The following TNRC6C variants were observed in gnomAD, a reference collection of about 807,000 sequenced individuals.
TNRC6C encodes trinucleotide repeat containing adaptor 6C, also known as trinucleotide repeat-containing gene 6C protein.
TNRC6C carries 20 observed loss-of-function variants against 153.7 expected under a neutral mutation model. That is an observed-to-expected ratio of 0.13 (90% CI 0.09 to 0.19). TNRC6C has a LOEUF of 0.19. Ranked by LOEUF, TNRC6C falls within the 10% of genes least tolerant of loss-of-function variation. TNRC6C has a pLI of 1.00. For synonymous variants in TNRC6C, 811 were observed against 841.4 expected (o/e 0.96, Z 0.63); for missense variants, 1,987 against 2,172.0 (o/e 0.91, Z 1.69).
intron 1 of TNRC6C, among the ~76,000 whole-genome samples, chr17:78,029,046 T>A (rs1257124594): frequency 6.6e-6 from 1 of 152,246 alleles, no homozygotes; most frequent in Admixed American, 6.5e-5. Flanking sequence ...TTTTTTAAAA[T>A]TTAAATTACT....
chr17:78,002,364 G>A (rs2071425663), upstream of TNRC6C, among the ~76,000 whole-genome samples: 1 of 152,134 alleles, frequency 6.6e-6, no homozygotes, highest in South Asian at 2.1e-4. Flanking sequence ...GACAGAGGAA[G>A]CTCATAATCT....
At chr17:77,958,494 C>G (rs900833637), upstream of TNRC6C, among the ~76,000 whole-genome samples, 1 of 152,032 alleles carries the variant, frequency 6.6e-6, no homozygotes, top group African/African-American at 2.4e-5. Context: ...GAGGCGTGGC[C>G]TGGCCGAGGA....
chr17:78,086,555 T>C, exon 12 of TNRC6C: 2 of 1,613,982 alleles, frequency 1.2e-6, no homozygotes, highest in South Asian at 2.2e-5. Context: ...CAGCGTAATG[T>C]GTCCGGATCC....
intron 1 of TNRC6C, among the ~76,000 whole-genome samples, chr17:78,010,805 CAA>C (rs66652880): frequency 3.3e-5 from 5 of 150,886 alleles, no homozygotes; most frequent in East Asian, 1.9e-4. Flanking sequence ...TCCATGGAAA[CAA>C]AAAAAATATT....
Position 78,069,032 on chromosome 17 carries a change from A to G in TNRC6C, c.2778+1109A>G, listed in dbSNP as rs190907798. Among the ~76,000 whole-genome samples, 40 of 152,334 alleles carry G rather than the reference A, an allele frequency of 2.6e-4. 1 individual carries two copies. Among genetic ancestry groups the G allele is most frequent in the Admixed American group, 2.0e-3 (30 of 15,306 alleles). ...CTCAGAGAGGCCTAACTATGACCAAAATCTAAAAGCCATAAAATAAAATTT... is the reference window on the plus strand; with the variant it reads ...CTCAGAGAGGCCTAACTATGACCAAGATCTAAAAGCCATAAAATAAAATTT... On this transcript the variant is annotated intron_variant, in intron 5 of 19. Coordinates refer to ENST00000301624, the Ensembl canonical transcript of TNRC6C.
chr17:78,039,319 C>CCCT (rs1555634299), intron 2 of TNRC6C, among the ~76,000 whole-genome samples: 11 of 149,102 alleles, frequency 7.4e-5, no homozygotes, highest in African/African-American at 2.8e-4. Flanking sequence ...GCCCCCCCCC[C>CCCT]CCACTCCCTA....
chr17:78,038,937 C>T (rs966867320), intron 2 of TNRC6C, among the ~76,000 whole-genome samples: 7 of 151,852 alleles, frequency 4.6e-5, no homozygotes, highest in African/African-American at 1.5e-4. Flanking sequence ...GAAAAGGCGA[C>T]GCTGGTGTGC....
chr17:77,992,901 G>A (rs373788960), intron 1 of TNRC6C, among the ~76,000 whole-genome samples: 14 of 152,168 alleles, frequency 9.2e-5, no homozygotes, highest in Admixed American at 2.0e-4. Flanking sequence ...CTCTGAGTAC[G>A]TGTTAATCCA....
chr17:78,076,933 A>G (rs776490482), intron 8 of TNRC6C, among the ~76,000 whole-genome samples: 36 of 152,352 alleles, frequency 2.4e-4, no homozygotes, highest in Non-Finnish European at 3.4e-4. Flanking sequence ...GGCAGGGCCA[A>G]TAGTTAGGAG....
exon 3 of TNRC6C, chr17:78,050,009 G>A (rs1354988685): frequency 1.2e-6 from 2 of 1,613,750 alleles, no homozygotes; most frequent in Non-Finnish European, 1.7e-6. Flanking sequence ...AGGGGCAGTG[G>A]CAACAATGGC....
At chr17:78,005,602 T>C (rs1055872522) in intron 1 of TNRC6C, among the ~76,000 whole-genome samples, 1 of 152,212 alleles carries the variant, frequency 6.6e-6, no homozygotes, top group East Asian at 1.9e-4. Context: ...GGAACTCCTA[T>C]GATGTGCTGG....
intron 1 of TNRC6C, among the ~76,000 whole-genome samples, chr17:77,979,802 A>C (rs944656019): frequency 6.6e-6 from 1 of 152,202 alleles, no homozygotes; most frequent in Non-Finnish European, 1.5e-5. Context: ...AAACAAAGAA[A>C]ATCTTAAAAT....
intron 13 of TNRC6C, among the ~76,000 whole-genome samples, chr17:78,087,830 A>G (rs1022020465): frequency 2.0e-5 from 3 of 152,240 alleles, no homozygotes; most frequent in Non-Finnish European, 4.4e-5. Context: ...AGTAGAAGAC[A>G]TGGTGCCAGG....
intron 17 of TNRC6C, among the ~76,000 whole-genome samples, chr17:78,100,647 C>T (rs1344330374): frequency 1.3e-5 from 2 of 152,156 alleles, no homozygotes; most frequent in Non-Finnish European, 2.9e-5. Flanking sequence ...CTCTGAAGAC[C>T]TCTGACATGC....
chr17:77,981,570 A>G (rs1406894774), intron 1 of TNRC6C, among the ~76,000 whole-genome samples: 1 of 152,266 alleles, frequency 6.6e-6, no homozygotes, highest in Non-Finnish European at 1.5e-5. Context: ...AATATAGTTT[A>G]AATGTCCTCA....
intron 1 of TNRC6C, 58 bp downstream of exon 3, chr17:78,005,137 C>A: frequency 8.7e-7 from 1 of 1,149,048 alleles, no homozygotes; most frequent in Non-Finnish European, 1.1e-6. Flanking sequence ...TTTTTATGAC[C>A]AGGATGACTT....
chr17:78,039,309 G>GCCCCCCCCCC (rs11306576), intron 2 of TNRC6C, among the ~76,000 whole-genome samples: 38 of 113,548 alleles, frequency 3.3e-4, no homozygotes, highest in African/African-American at 1.4e-3. Context: ...TTCAAATCTT[G>GCCCCCCCCCC]CCCCCCCCCC....
upstream of TNRC6C, among the ~76,000 whole-genome samples, chr17:78,003,626 T>C (rs1345376300): frequency 2.6e-5 from 4 of 152,190 alleles, no homozygotes; most frequent in Admixed American, 6.5e-5. Context: ...TATGTTGTTA[T>C]TTAGAAACAG....
chr17:78,074,429 AC>A (rs2073050046), intron 7 of TNRC6C, among the ~76,000 whole-genome samples: 1 of 152,230 alleles, frequency 6.6e-6, no homozygotes. Context: ...ATGAGGATAG[AC>A]TGCAGACTGT....
Sources: allele counts gnomAD v4.1 joint callset (sites outside exome capture counted in the v4.1 genomes callset), GRCh38; gene constraint gnomAD v4.1.1; transcripts MANE v1.5; gene names NCBI Gene and HGNC (gene_info 2026-07-23, HGNC 2026-07-21).